MGST1: variants seen among roughly 807,000 people sequenced by gnomAD.
MGST1 encodes microsomal glutathione S-transferase 1.
A neutral mutation model predicts 8.9 loss-of-function variants in MGST1; 5 were observed. That is an observed-to-expected ratio of 0.56 (90% CI 0.29 to 1.19). The LOEUF is 1.19. MGST1 is among the 50% of genes most tolerant of loss of function. MGST1 has a pLI of 0.08. For synonymous variants in MGST1, 54 were observed against 67.8 expected (o/e 0.80, Z 1.00); for missense variants, 182 against 187.4 (o/e 0.97, Z 0.17).
At chr12:16,574,945 C>T (rs1942944181) in intron 4 of MGST1, among the ~76,000 whole-genome samples, 1 of 152,040 alleles carries the variant, frequency 6.6e-6, no homozygotes, top group Admixed American at 6.6e-5. Flanking sequence ...AGGGTGCTCC[C>T]TACATAAGGC....
chr12:16,415,496 C>T (rs1230125291), intron 1 of MGST1, among the ~76,000 whole-genome samples: 1 of 152,192 alleles, frequency 6.6e-6, no homozygotes, highest in African/African-American at 2.4e-5. Context: ...CTCTTCCAGC[C>T]TACTCAACAT....
chr12:16,425,516 T>TCATC (rs1218720433), intron 1 of MGST1, among the ~76,000 whole-genome samples: 2 of 152,196 alleles, frequency 1.3e-5, no homozygotes, highest in African/African-American at 4.8e-5. Context: ...ACTCCAGAAC[T>TCATC]CAAAGTGATC....
chr12:16,502,429 G>A (rs1424870423), intron 4 of MGST1, among the ~76,000 whole-genome samples: 2 of 151,926 alleles, frequency 1.3e-5, no homozygotes, highest in Non-Finnish European at 2.9e-5. Context: ...TGAAGTTTTA[G>A]CCCACAAATT....
chr12:16,559,533 CT>C lies in MGST1; in HGVS notation n.483-29990del, dbSNP rs1456560067. On this transcript the variant is annotated intron_variant and non_coding_transcript_variant, in intron 4 of 4. Transcript: ENST00000538857. The surrounding 1 kb of genome is among the most constrained non-coding windows in gnomAD (Gnocchi z 4.1). ...AGGTTTCCAGGTTCCCTGTTCAACA[CT>C]TTTTCAAATGCTCCTCTCCAATGAT... Among the ~76,000 whole-genome samples, 1 of 152,148 alleles carries C rather than the reference CT, an allele frequency of 6.6e-6. No individual in the cohort carries two copies. Among genetic ancestry groups the C allele is most frequent in the Non-Finnish European group, 1.5e-5 (1 of 68,030 alleles).
chr12:16,534,103 A>G (rs1941739498), intron 4 of MGST1, among the ~76,000 whole-genome samples: 1 of 152,194 alleles, frequency 6.6e-6, no homozygotes, highest in South Asian at 2.1e-4. Context: ...AACTGAAGGC[A>G]GTGGGATATC....
rs1400225450 is a variant in MGST1 at position 16,400,715 on chromosome 12, AT to A, written n.778+17114del. 2.2e-6 allele frequency: 3 copies of A among 1,353,602 alleles called. No homozygotes were observed. The African/African-American group carries it at 4.3e-5, about 19-fold the overall frequency. The allele number at this position is 1,353,602 out of a possible 1,614,324, so 83.8% of individuals were successfully genotyped here. A position where few individuals can be genotyped will look rare whatever the true frequency, so the allele number is the denominator to read the frequency against. ...AGCACTGCCTGGGCAATAAAAGTTGATTTGCAAGTAAGTATAATCTCCTTCC... is the reference window on the plus strand; with the variant it reads ...AGCACTGCCTGGGCAATAAAAGTTGATTGCAAGTAAGTATAATCTCCTTCC... On this transcript the variant is annotated intron_variant and non_coding_transcript_variant, in intron 1 of 1. Coordinates refer to the MGST1 transcript ENST00000359720.
chr12:16,550,976 C>T (rs978786860), intron 4 of MGST1: 8 of 401,224 alleles, frequency 2.0e-5, no homozygotes, highest in East Asian at 7.3e-5. Flanking sequence ...GACACAAAAA[C>T]GAATAGCAAG....
chr12:16,387,640 C>CT (rs1940515874), intron 1 of MGST1, among the ~76,000 whole-genome samples: 2 of 151,974 alleles, frequency 1.3e-5, no homozygotes, highest in Admixed American at 6.6e-5. Flanking sequence ...CATTCTCCTG[C>CT]CTCAGCCTCC....
In MGST1 at chr12:16,465,271, T is replaced by G. The variant is rs140334266; in HGVS notation, n.482+81667T>G. Among the ~76,000 whole-genome samples, 1,296 of 152,344 alleles carry G rather than the reference T, an allele frequency of 8.5e-3. 13 individuals are homozygous for G. Among genetic ancestry groups the G allele is most frequent in the Middle Eastern group, 0.054 (16 of 294 alleles). ...AAGGTGAAGTATATGGAGCTGTTTC[T>G]GTCTACATTTAATTCTGACGAACCT... On this transcript the variant is annotated intron_variant and non_coding_transcript_variant, in intron 4 of 4. Coordinates refer to the MGST1 transcript ENST00000538857.
intron 1 of MGST1, chr12:16,402,354 T>C (rs1188367519): frequency 5.0e-6 from 8 of 1,602,810 alleles, no homozygotes; most frequent in African/African-American, 4.0e-5. Flanking sequence ...TCTTCTCCTT[T>C]CTGCCAATTG....
At chr12:16,383,109 C>T (rs533347927) in exon 1 of MGST1, 6 of 152,634 alleles carry the variant, frequency 3.9e-5, no homozygotes, top group South Asian at 4.1e-4. Flanking sequence ...GAGGCGATGC[C>T]TCGCCTTGCT....
At chr12:16,392,702 C>T (rs1004191315) in intron 1 of MGST1, among the ~76,000 whole-genome samples, 1 of 151,976 alleles carries the variant, frequency 6.6e-6, no homozygotes, top group Non-Finnish European at 1.5e-5. Flanking sequence ...GGAATACGGC[C>T]AAGTTATTTT....
At chr12:16,415,019 C>T (rs575440899) in intron 1 of MGST1, among the ~76,000 whole-genome samples, 55 of 152,138 alleles carry the variant, frequency 3.6e-4, no homozygotes, top group African/African-American at 9.4e-4. Flanking sequence ...AGCAAAACTT[C>T]GCCTCAAAAA....
chr12:16,466,523 T>A (rs915073034), intron 4 of MGST1, among the ~76,000 whole-genome samples: 1 of 152,196 alleles, frequency 6.6e-6, no homozygotes, highest in Non-Finnish European at 1.5e-5. Context: ...CTTGATTTAA[T>A]GAAAGTGTTG....
chr12:16,526,751 T>C (rs116612848), intron 4 of MGST1, among the ~76,000 whole-genome samples: 120 of 151,962 alleles, frequency 7.9e-4, no homozygotes, highest in Middle Eastern at 3.4e-3. Flanking sequence ...CTAAAATTGG[T>C]TTTAAAGAGG....
chr12:16,423,154 C>T (rs950421539), intron 1 of MGST1, among the ~76,000 whole-genome samples: 1 of 152,164 alleles, frequency 6.6e-6, no homozygotes, highest in Non-Finnish European at 1.5e-5. Flanking sequence ...TCTTAGGGAT[C>T]ACTGACTTTA....
rs1342356157 is a variant in MGST1 at position 16,576,993 on chromosome 12, G to A, written n.483-12535G>A. On this transcript the variant is annotated intron_variant and non_coding_transcript_variant, in intron 4 of 4. Coordinates refer to the MGST1 transcript ENST00000538857. This position sits in a 1 kb window ranked among gnomAD's most constrained non-coding sequence, Gnocchi z 4.1. Reference sequence around the variant, plus strand: ...GTAAAACTACACTGGAAGCTTGCTAGGCAACATGAGAATCTACTTGCTGAA... The same window carrying A: ...GTAAAACTACACTGGAAGCTTGCTAAGCAACATGAGAATCTACTTGCTGAA... Among the ~76,000 whole-genome samples the A allele has an allele frequency of 6.6e-6, 1 of 152,142 alleles. No homozygotes were observed. The highest frequency in any genetic ancestry group is 1.5e-5 in the Non-Finnish European group (1 of 68,020).
downstream of MGST1, among the ~76,000 whole-genome samples, chr12:16,441,511 G>A (rs1007824580): frequency 3.3e-5 from 5 of 151,774 alleles, no homozygotes; most frequent in African/African-American, 1.2e-4. Flanking sequence ...CTCTCCTGTT[G>A]CTAGCGATCA....
Position 16,517,604 on chromosome 12 carries a change from T to C in MGST1, n.483-71924T>C, listed in dbSNP as rs919254693. On this transcript the variant is annotated intron_variant and non_coding_transcript_variant, in intron 4 of 4. Coordinates refer to the MGST1 transcript ENST00000538857. This position sits in a 1 kb window ranked among gnomAD's most constrained non-coding sequence, Gnocchi z 4.2. Reference sequence around the variant, plus strand: ...AGCAGGTATCAGTAATATTTTGTTATAGTAGCACAAAATGAACCAAGACAG... The same window carrying C: ...AGCAGGTATCAGTAATATTTTGTTACAGTAGCACAAAATGAACCAAGACAG... Among the ~76,000 whole-genome samples the C allele has an allele frequency of 6.6e-5, 10 of 152,218 alleles. No individual in the cohort carries two copies. The highest frequency in any genetic ancestry group is 2.4e-4 in the African/African-American group (10 of 41,460).
Sources: gnomAD v4.1 joint callset for allele counts (sites outside exome capture counted in the v4.1 genomes callset) on GRCh38, gnomAD v4.1.1 for gene constraint, Gnocchi (gnomAD v3.1) non-coding constraint, MANE v1.5 for transcripts, NCBI Gene and HGNC (gene_info 2026-07-23, HGNC 2026-07-21) for gene names.